RSU1: variants seen among roughly 807,000 people sequenced by gnomAD.
RSU1 encodes the protein rsu-1.
A neutral mutation model predicts 31.1 loss-of-function variants in RSU1; 26 were observed. That is an observed-to-expected ratio of 0.84 (90% CI 0.61 to 1.16). The LOEUF is 1.16. Ranked by LOEUF, RSU1 falls within the 50% of genes most tolerant of loss-of-function variation. The pLI, the probability that RSU1 is intolerant of heterozygous loss-of-function variation, is 0.00. For missense variants in RSU1, 320 were observed against 339.1 expected, an observed-to-expected ratio of 0.94 and a Z score of 0.44; for synonymous variants, 164 against 136.3, an observed-to-expected ratio of 1.20 and a Z score of -1.41.
At chr10:16,686,620 G>A (rs76193727) in intron 8 of RSU1, among the ~76,000 whole-genome samples, 4,287 of 152,152 alleles carry the variant, frequency 0.028, 205 homozygotes, top group African/African-American at 0.096. Flanking sequence ...ATACTGTAAT[G>A]TATCATGCTC....
chr10:16,618,829 G>T (rs1174252493), intron 8 of RSU1, among the ~76,000 whole-genome samples: 2 of 152,126 alleles, frequency 1.3e-5, no homozygotes, highest in Non-Finnish European at 2.9e-5. Flanking sequence ...GCCCGTGGTG[G>T]GGTAGGGGAC....
intron 2 of RSU1, among the ~76,000 whole-genome samples, chr10:16,799,260 T>C (rs1370264577): frequency 1.3e-5 from 2 of 152,170 alleles, no homozygotes; most frequent in Admixed American, 1.3e-4. Context: ...CTGGACGTTG[T>C]CACTACCATA....
At chr10:16,764,360 CTCCATCCTT>C (rs769650941) in intron 4 of RSU1, 21 bp downstream of exon 4, 2 of 1,598,926 alleles carry the variant, frequency 1.3e-6, no homozygotes, top group South Asian at 2.3e-5. Flanking sequence ...CTCTCTTCCT[CTCCATCCTT>C]TCCGCTCCAC....
chr10:16,708,998 G>GT (rs35261569), intron 7 of RSU1, among the ~76,000 whole-genome samples: 6,869 of 142,482 alleles, frequency 0.048, 207 homozygotes, highest in Middle Eastern at 0.1. Flanking sequence ...GAGTCCTTTG[G>GT]TTTTTTTTTT....
intron 2 of RSU1, among the ~76,000 whole-genome samples, chr10:16,791,192 A>G (rs1339427638): frequency 6.6e-6 from 1 of 152,068 alleles, no homozygotes; most frequent in Non-Finnish European, 1.5e-5. Context: ...ATACCCAGCT[A>G]ATTTTTCTAT....
intron 8 of RSU1, among the ~76,000 whole-genome samples, chr10:16,614,023 G>T (rs770294643): frequency 3.3e-5 from 5 of 152,066 alleles, no homozygotes; most frequent in Non-Finnish European, 7.4e-5. Flanking sequence ...TAGCATTAAC[G>T]CCAGAAAAAT....
intron 7 of RSU1, among the ~76,000 whole-genome samples, chr10:16,741,157 T>C (rs1052804296): frequency 6.6e-6 from 1 of 152,208 alleles, no homozygotes; most frequent in Non-Finnish European, 1.5e-5. Flanking sequence ...AATAAAACTA[T>C]ATATCTGCTG....
chr10:16,670,096 G>C (rs1056466464), intron 8 of RSU1, among the ~76,000 whole-genome samples: 5 of 152,260 alleles, frequency 3.3e-5, no homozygotes, highest in Non-Finnish European at 5.9e-5. Context: ...CCCATGTAGT[G>C]CAAATCAATT....
intron 8 of RSU1, among the ~76,000 whole-genome samples, chr10:16,687,561 CACA>C (rs1382065184): frequency 5.3e-5 from 8 of 152,116 alleles, no homozygotes; most frequent in African/African-American, 1.7e-4. Context: ...AGCAATCTAT[CACA>C]ACATTTGGAA....
chr10:16,750,548 C>T (rs1265252884), intron 7 of RSU1, among the ~76,000 whole-genome samples: 1 of 152,132 alleles, frequency 6.6e-6, no homozygotes, highest in Non-Finnish European at 1.5e-5. Flanking sequence ...TTCAACTAGA[C>T]ATTTTTGTGG....
In RSU1 at chr10:16,650,666, G is replaced by A. The variant is rs138647631; in HGVS notation, c.731+44357C>T. On this transcript the variant is annotated intron_variant, in intron 8 of 8. Transcript: ENST00000345264. The stretch of plus-strand genomic sequence containing the variant: ...ACAATCTCGGCTCACTGCAAGCTCC[G>A]CCTCCTGGGTTCACGCCATTCTCCT... 0.012 allele frequency among the ~76,000 whole-genome samples: 1,645 copies of A among 141,218 alleles called. 95 individuals carry two copies. The East Asian group carries it at 0.2, about 18-fold the overall frequency. 92.6% of individuals were successfully genotyped at this position (141,218 alleles called of 152,430 possible). A position where few individuals can be genotyped will look rare whatever the true frequency, so the allele number is the denominator to read the frequency against.
chr10:16,642,172 C>T (rs868024240), intron 8 of RSU1, among the ~76,000 whole-genome samples: 4 of 152,150 alleles, frequency 2.6e-5, no homozygotes, highest in Middle Eastern at 3.4e-3. Context: ...GAGAGGAATA[C>T]TGAAATCCAC....
At chr10:16,648,118 TA>T (rs35212403) in intron 8 of RSU1, among the ~76,000 whole-genome samples, 1,579 of 143,316 alleles carry the variant, frequency 0.011, 26 homozygotes, top group African/African-American at 0.038. Flanking sequence ...CTGGCTAATT[TA>T]AAAAAAAAAA....
intron 8 of RSU1, among the ~76,000 whole-genome samples, chr10:16,620,832 G>A (rs372671733): frequency 9.2e-5 from 13 of 141,952 alleles, no homozygotes; most frequent in Admixed American, 3.4e-4. Flanking sequence ...GCAACAGAGC[G>A]AGACTCCATC....
At chr10:16,726,819 T>TA (rs1488930217) in intron 7 of RSU1, among the ~76,000 whole-genome samples, 2 of 152,032 alleles carry the variant, frequency 1.3e-5, no homozygotes, top group South Asian at 2.1e-4. Context: ...TTAATGTACC[T>TA]AAAAAAATGG....
chr10:16,614,502 A>C (rs1481586890), intron 8 of RSU1, among the ~76,000 whole-genome samples: 2 of 152,200 alleles, frequency 1.3e-5, no homozygotes, highest in African/African-American at 4.8e-5. Flanking sequence ...CTTAAAAATA[A>C]GAGTATCAAT....
intron 8 of RSU1, among the ~76,000 whole-genome samples, chr10:16,606,710 G>C (rs1833811479): frequency 6.6e-6 from 1 of 152,202 alleles, no homozygotes; most frequent in Admixed American, 6.5e-5. Flanking sequence ...ACATTGTCCT[G>C]TGGCTCTAGA....
intron 8 of RSU1, among the ~76,000 whole-genome samples, chr10:16,635,314 T>G (rs1834327602): frequency 6.6e-6 from 1 of 152,256 alleles, no homozygotes; most frequent in African/African-American, 2.4e-5. Context: ...TCTCTATCCC[T>G]CTGCTAACCA....
chr10:16,677,378 T>A (rs1312062111), intron 8 of RSU1, among the ~76,000 whole-genome samples: 3 of 152,058 alleles, frequency 2.0e-5, no homozygotes, highest in Admixed American at 2.0e-4. Flanking sequence ...AAATGTCAAT[T>A]CTCTCTCCTT....
Sources: allele counts gnomAD v4.1 joint callset (sites outside exome capture counted in the v4.1 genomes callset), GRCh38; gene constraint gnomAD v4.1.1; transcripts MANE v1.5; gene names NCBI Gene and HGNC (gene_info 2026-07-23, HGNC 2026-07-21).